The following DISC1 variants were observed in gnomAD, a reference collection of about 807,000 sequenced individuals.
DISC1 encodes the protein disrupted in schizophrenia 1 protein.
Under a neutral mutation model 84.5 loss-of-function variants are expected in DISC1, and 57 were observed. The observed-to-expected ratio is 0.67, with a 90% confidence interval of 0.55 to 0.84. The LOEUF is 0.84. DISC1 is among the 40% of genes least tolerant of loss of function. The pLI is 0.00. For synonymous variants in DISC1, 411 were observed against 415.2 expected, an observed-to-expected ratio of 0.99 and a Z score of 0.12; for missense variants, 1,000 against 1,057.8, an observed-to-expected ratio of 0.95 and a Z score of 0.76.
intron 12 of DISC1, among the ~76,000 whole-genome samples, chr1:232,027,637 A>G (rs1281057162): frequency 6.6e-6 from 1 of 152,220 alleles, no homozygotes; most frequent in Non-Finnish European, 1.5e-5. Flanking sequence ...ACAAGTTGAC[A>G]CTTCTCTAGC....
intron 9 of DISC1, among the ~76,000 whole-genome samples, chr1:231,869,812 C>A (rs1210913085): frequency 6.6e-6 from 1 of 152,132 alleles, no homozygotes; most frequent in Non-Finnish European, 1.5e-5. Flanking sequence ...ATAGCAGAGT[C>A]TCTTTGTGAT....
At chr1:231,772,587 C>G (rs971842767) in intron 6 of DISC1, among the ~76,000 whole-genome samples, 3 of 152,176 alleles carry the variant, frequency 2.0e-5, no homozygotes, top group African/African-American at 7.2e-5. Context: ...ATAGAGCTAT[C>G]ACATGGATGA....
intron 9 of DISC1, among the ~76,000 whole-genome samples, chr1:231,838,544 G>A (rs2082790972): frequency 2.0e-5 from 3 of 152,182 alleles, no homozygotes; most frequent in African/African-American, 7.2e-5. Context: ...ATATAGAAAA[G>A]GACTCCTTTC....
intron 9 of DISC1, among the ~76,000 whole-genome samples, chr1:231,927,293 C>T (rs1470610010): frequency 3.3e-5 from 5 of 152,222 alleles, no homozygotes; most frequent in Admixed American, 3.3e-4. Flanking sequence ...CACTCTCACA[C>T]ATTTCTAGGT....
chr1:231,781,291 A>T (rs1573769965), intron 6 of DISC1, among the ~76,000 whole-genome samples: 3 of 151,978 alleles, frequency 2.0e-5, no homozygotes, highest in African/African-American at 4.8e-5. Context: ...GTATTTTATA[A>T]TGTATTTTAA....
At chr1:231,974,980 G>T (rs928199086) in intron 10 of DISC1, among the ~76,000 whole-genome samples, 1 of 152,004 alleles carries the variant, frequency 6.6e-6, no homozygotes, top group African/African-American at 2.4e-5. Flanking sequence ...CATGCCTGTA[G>T]TCCCAGCTAC....
At chr1:231,831,922 G>T (rs1007980929) in intron 9 of DISC1, among the ~76,000 whole-genome samples, 13 of 151,956 alleles carry the variant, frequency 8.6e-5, no homozygotes, top group African/African-American at 3.1e-4. Flanking sequence ...GCCTTTGCTG[G>T]TGAGTGGCGA....
At chr1:231,926,324 C>T (rs2090356234) in intron 9 of DISC1, among the ~76,000 whole-genome samples, 2 of 152,044 alleles carry the variant, frequency 1.3e-5, no homozygotes, top group Middle Eastern at 3.4e-3. Context: ...AGTGGGTTTA[C>T]GTAAAAAAAA....
chr1:231,764,721 T>C lies in DISC1; in HGVS notation c.1269-2419T>C, dbSNP rs565165476. Reference sequence around the variant, plus strand: ...AGCCGATCTTTGTGTAAAACTATGATTATTTACATGCAATCAATACTTGGA... The same window carrying C: ...AGCCGATCTTTGTGTAAAACTATGACTATTTACATGCAATCAATACTTGGA... On this transcript the variant is annotated intron_variant, in intron 4 of 12. Coordinates refer to ENST00000439617, the MANE Select transcript of DISC1 (RefSeq NM_018662.3). Among the ~76,000 whole-genome samples, 5 of 152,324 alleles carry C rather than the reference T, an allele frequency of 3.3e-5. No homozygotes were observed. The East Asian group carries it at 9.6e-4, about 29-fold the overall frequency.
At chr1:231,945,095 A>G (rs139869625) in intron 9 of DISC1, 1 of 152,196 alleles carries the variant, frequency 6.6e-6, no homozygotes, top group South Asian at 2.1e-4. Context: ...AAGCGGACCT[A>G]ATAGACATCT....
chr1:231,955,348 C>G (rs967287608), intron 9 of DISC1, among the ~76,000 whole-genome samples: 2 of 152,170 alleles, frequency 1.3e-5, no homozygotes, highest in African/African-American at 4.8e-5. Context: ...TTTCTAAAAA[C>G]TTCTGAAATT....
intron 2 of DISC1, among the ~76,000 whole-genome samples, chr1:231,700,001 C>A (rs1309862460): frequency 6.6e-6 from 1 of 152,158 alleles, no homozygotes; most frequent in Non-Finnish European, 1.5e-5. Flanking sequence ...ATATTTTTCT[C>A]CCAGACAGCC....
Position 231,797,253 on chromosome 1 carries a change from C to T in DISC1, c.1689+1957C>T, listed in dbSNP as rs115832702. Among the ~76,000 whole-genome samples, 438 of 152,194 alleles carry T rather than the reference C, an allele frequency of 2.9e-3. 2 individuals carry two copies. Among genetic ancestry groups the T allele is most frequent in the African/African-American group, 1.0e-2 (415 of 41,502 alleles). The stretch of plus-strand genomic sequence containing the variant: ...TTGTGGATACACACATATACTGATA[C>T]GCACCCAATATTAGGATTTGCTGAA... On this transcript the variant is annotated intron_variant, in intron 7 of 12. Coordinates refer to ENST00000439617, the MANE Select transcript of DISC1 (RefSeq NM_018662.3).
intron 3 of DISC1, among the ~76,000 whole-genome samples, chr1:231,740,578 A>C (rs2073125561): frequency 6.6e-6 from 1 of 152,204 alleles, no homozygotes; most frequent in African/African-American, 2.4e-5. Flanking sequence ...GGAGTCCTCC[A>C]GGCCTTTGAG....
At chr1:232,024,036 C>CAT (rs1491136480) in intron 11 of DISC1, among the ~76,000 whole-genome samples, 1 of 140,894 alleles carries the variant, frequency 7.1e-6, no homozygotes, top group Non-Finnish European at 1.5e-5. Context: ...TATACACACA[C>CAT]ATATATATGT....
intron 9 of DISC1, among the ~76,000 whole-genome samples, chr1:231,903,113 G>T (rs2088323202): frequency 6.7e-6 from 1 of 149,628 alleles, no homozygotes; most frequent in South Asian, 2.1e-4. Context: ...CTAGGCTGGA[G>T]TGCAGTGGTG....
intron 3 of DISC1, among the ~76,000 whole-genome samples, chr1:231,712,199 A>G (rs995504081): frequency 6.6e-6 from 1 of 152,170 alleles, no homozygotes; most frequent in African/African-American, 2.4e-5. Flanking sequence ...GTCTGTCAAT[A>G]CCTTGATTTT....
At chr1:231,842,220 C>T (rs2083133672) in intron 9 of DISC1, among the ~76,000 whole-genome samples, 1 of 152,134 alleles carries the variant, frequency 6.6e-6, no homozygotes, top group African/African-American at 2.4e-5. Context: ...CCAGGCTGGC[C>T]TTGAACTTCT....
At chr1:231,977,035 G>A (rs1232297540) in intron 10 of DISC1, among the ~76,000 whole-genome samples, 2 of 152,086 alleles carry the variant, frequency 1.3e-5, no homozygotes, top group Middle Eastern at 3.2e-3. Flanking sequence ...CCTTGCCAAA[G>A]GTCCAACAGG....
Sources: allele counts gnomAD v4.1 joint callset (sites outside exome capture counted in the v4.1 genomes callset), GRCh38; gene constraint gnomAD v4.1.1; transcripts MANE v1.5; gene names NCBI Gene and HGNC (gene_info 2026-07-23, HGNC 2026-07-21).